Variants in CCDC102A observed in about 807,000 individuals in gnomAD.
CCDC102A encodes coiled-coil domain containing 102A, also known as coiled-coil domain-containing protein 102A.
CCDC102A carries 40 observed loss-of-function variants against 55.5 expected under a neutral mutation model. The ratio of observed to expected loss-of-function variants is 0.72; its 90% confidence interval spans 0.56 to 0.94. The LOEUF (loss-of-function observed/expected upper bound fraction) is 0.94, where lower values mean the gene tolerates loss of function less well. CCDC102A is among the 40% of genes least tolerant of loss of function. CCDC102A has a pLI of 0.00. For synonymous variants in CCDC102A, 323 were observed against 339.0 expected (o/e 0.95, Z 0.52); for missense variants, 779 against 768.6 (o/e 1.01, Z -0.16).
intron 4 of CCDC102A, among the ~76,000 whole-genome samples, chr16:57,520,721 C>T (rs1276933349): frequency 6.6e-6 from 1 of 151,972 alleles, no homozygotes; most frequent in Non-Finnish European, 1.5e-5. Context: ...AGAAGGATCA[C>T]TTGGGTCCAG....
chr16:57,536,993 G>A (rs2032408165), upstream of CCDC102A, among the ~76,000 whole-genome samples: 1 of 152,182 alleles, frequency 6.6e-6, no homozygotes, highest in Non-Finnish European at 1.5e-5. Context: ...CTGCCACCGA[G>A]TGGAAGTGGG....
chr16:57,514,600 G>A (rs1234421122), intron 8 of CCDC102A, among the ~76,000 whole-genome samples: 5 of 152,216 alleles, frequency 3.3e-5, no homozygotes, highest in African/African-American at 1.2e-4. Context: ...CTGACACAGA[G>A]AGGTTAAATA....
Position 57,518,745 on chromosome 16 carries a change from C to CA in CCDC102A, c.922-5dup, listed in dbSNP as rs1320445561. 1.3e-6 allele frequency: 2 copies of CA among 1,595,078 alleles called. No homozygotes were observed. Among genetic ancestry groups the CA allele is most frequent in the African/African-American group, 2.7e-5 (2 of 74,504 alleles). ...GCGCCTCCTTCAGGATGCTGAGCTG[C>CA]AGGGATAAGGCCCCACCTGGTCATG... On this transcript the variant is annotated splice_region_variant and splice_polypyrimidine_tract_variant and intron_variant, in intron 4 of 8. Transcript: ENST00000258214.
At chr16:57,531,154 T>C (rs1241036848) in intron 1 of CCDC102A, among the ~76,000 whole-genome samples, 1 of 151,990 alleles carries the variant, frequency 6.6e-6, no homozygotes, top group African/African-American at 2.4e-5. Flanking sequence ...CCCTCAGAGC[T>C]TCCCATACCT....
At chr16:57,527,850 C>A (rs903901407) in intron 2 of CCDC102A, among the ~76,000 whole-genome samples, 2 of 152,246 alleles carry the variant, frequency 1.3e-5, no homozygotes, top group Admixed American at 6.5e-5. Flanking sequence ...TGAATGACGG[C>A]CGTTGCTATT....
intron 6 of CCDC102A, 138 bp downstream of exon 6, chr16:57,517,930 A>T (rs2031983541): frequency 1.0e-6 from 1 of 996,514 alleles, no homozygotes. Context: ...ATAATTACCA[A>T]CTGGTCTAGC....
chr16:57,531,078 C>A (rs1231536089), intron 1 of CCDC102A, among the ~76,000 whole-genome samples: 4 of 152,028 alleles, frequency 2.6e-5, no homozygotes, highest in African/African-American at 9.7e-5. Context: ...CTTCTCCTCT[C>A]ACGATATCCC....
chr16:57,531,119 C>T (rs2032251851), intron 1 of CCDC102A, among the ~76,000 whole-genome samples: 1 of 152,068 alleles, frequency 6.6e-6, no homozygotes, highest in Non-Finnish European at 1.5e-5. Flanking sequence ...GTCCCCAACT[C>T]CAAGTCCCTC....
intron 4 of CCDC102A, among the ~76,000 whole-genome samples, chr16:57,520,723 T>G (rs1354046230): frequency 6.6e-6 from 1 of 151,954 alleles, no homozygotes; most frequent in African/African-American, 2.4e-5. Flanking sequence ...AAGGATCACT[T>G]GGGTCCAGGA....
At chr16:57,534,912 T>G (rs1460857173) in intron 1 of CCDC102A, among the ~76,000 whole-genome samples, 1 of 152,204 alleles carries the variant, frequency 6.6e-6, no homozygotes, top group Admixed American at 6.5e-5. Context: ...GTCCTCAGCA[T>G]GTTTGGATGG....
At chr16:57,527,064 A>C (rs1045370781) in intron 2 of CCDC102A, among the ~76,000 whole-genome samples, 1 of 152,228 alleles carries the variant, frequency 6.6e-6, no homozygotes, top group Non-Finnish European at 1.5e-5. Flanking sequence ...TGCGCAGTGA[A>C]CACCACCTCC....
At chr16:57,520,903 G>A (rs1457943752) in intron 4 of CCDC102A, among the ~76,000 whole-genome samples, 165 bp downstream of exon 4, 2 of 149,650 alleles carry the variant, frequency 1.3e-5, no homozygotes, top group African/African-American at 4.9e-5. Flanking sequence ...TCACACCACT[G>A]CACTCCAGCC....
Position 57,516,927 on chromosome 16 carries a change from G to T in CCDC102A, c.1249-464C>A, listed in dbSNP as rs1488845691. The stretch of plus-strand genomic sequence containing the variant: ...AGATGCCCACCCTGGAGCTCTGTGA[G>T]TTCTCTAAGCCTCAGTTTCCATTTC... On this transcript the variant is annotated intron_variant, in intron 6 of 8. Transcript: ENST00000258214. The surrounding 1 kb of genome is among the most constrained non-coding windows in gnomAD (Gnocchi z 4.4). Among the ~76,000 whole-genome samples, 1 of 152,202 alleles carries T rather than the reference G, an allele frequency of 6.6e-6. No individual in the cohort carries two copies. The highest frequency in any genetic ancestry group is 2.4e-5 in the African/African-American group (1 of 41,446).
chr16:57,517,958 C>T (rs2031984014), intron 6 of CCDC102A, 110 bp downstream of exon 6: 1 of 1,230,600 alleles, frequency 8.1e-7, no homozygotes, highest in Non-Finnish European at 1.1e-6. Flanking sequence ...GTGCTGAATA[C>T]ATGCAGCTAC....
chr16:57,525,356 C>T (rs2146708362), intron 3 of CCDC102A, among the ~76,000 whole-genome samples: 1 of 152,304 alleles, frequency 6.6e-6, no homozygotes, highest in Admixed American at 6.5e-5. Flanking sequence ...CCACCTCGGC[C>T]TCCCAAAGTG....
In CCDC102A at chr16:57,512,600, C is replaced by A. The variant is rs548072587; in HGVS notation, c.*141G>T. ...GCGTTGGTAGGTGGGACTGTTGACGCCATCCCTGGGAGAGAAGAAAGTCGG... is the reference window on the plus strand; with the variant it reads ...GCGTTGGTAGGTGGGACTGTTGACGACATCCCTGGGAGAGAAGAAAGTCGG... On this transcript the variant is annotated 3_prime_UTR_variant, in exon 9 of 9. Transcript: ENST00000258214. 9.5e-5 allele frequency: 100 copies of A among 1,048,652 alleles called. No homozygotes were observed. The South Asian group carries it at 1.5e-3, about 16-fold the overall frequency. The allele number at this position is 1,048,652 out of a possible 1,614,324, so 65.0% of individuals were successfully genotyped here.
In CCDC102A at chr16:57,513,119, A is replaced by G. The variant is rs1448977516; in HGVS notation, c.1524-249T>C. ...TGGTGGGGAGTGGGGCAGAGCTCTG[A>G]ACTGAAGTGGGTGGTGCCAGAGCAG... On this transcript the variant is annotated intron_variant, in intron 8 of 8. Transcript: ENST00000258214. Among the ~76,000 whole-genome samples, 3 of 152,208 alleles carry G rather than the reference A, an allele frequency of 2.0e-5. No individual in the cohort carries two copies. In the East Asian group the frequency reaches 5.8e-4, roughly 29 times the overall value.
intron 1 of CCDC102A, among the ~76,000 whole-genome samples, chr16:57,530,199 T>G (rs2032229761): frequency 6.6e-6 from 1 of 152,098 alleles, no homozygotes; most frequent in African/African-American, 2.4e-5. Context: ...ACACCGTGAC[T>G]CACCGCAAAC....
chr16:57,536,344 T>C (rs542963737), intron 1 of CCDC102A, among the ~76,000 whole-genome samples, 156 bp downstream of exon 1: 193 of 152,182 alleles, frequency 1.3e-3, no homozygotes, highest in African/African-American at 4.3e-3. Flanking sequence ...AAAGTTCTGC[T>C]CTGAGTTCGG....
Sources: gnomAD v4.1 joint callset for allele counts (sites outside exome capture counted in the v4.1 genomes callset) on GRCh38, gnomAD v4.1.1 for gene constraint, Gnocchi (gnomAD v3.1) non-coding constraint, MANE v1.5 for transcripts, NCBI Gene and HGNC (gene_info 2026-07-23, HGNC 2026-07-21) for gene names.